Variants in TENT5D observed in about 807,000 individuals in gnomAD.
TENT5D encodes cancer/testis antigen 112.
For synonymous variants in TENT5D, 103 were observed against 100.6 expected (o/e 1.02, Z -0.15); for missense variants, 191 against 287.0 (o/e 0.67, Z 2.42).
intron 1 of TENT5D, among the ~76,000 whole-genome samples, chrX:80,427,671 C>G (rs1325090387): frequency 8.9e-6 from 1 of 111,925 alleles, no homozygotes; most frequent in African/African-American, 3.2e-5. Flanking sequence ...TAGGGTGGAA[C>G]CATTTAAGAA....
At chrX:80,396,331 G>C (rs1045130473) in intron 3 of TENT5D, among the ~76,000 whole-genome samples, 2 of 109,017 alleles carry the variant, frequency 1.8e-5, no homozygotes, top group Non-Finnish European at 3.8e-5. Context: ...AGGGGGATTT[G>C]GCAGGGTCAT....
intron 3 of TENT5D, among the ~76,000 whole-genome samples, chrX:80,413,481 G>T (rs959561073): frequency 1.8e-5 from 2 of 111,785 alleles, no homozygotes; most frequent in African/African-American, 6.5e-5. Context: ...AACTTGAATT[G>T]TATCTCCCAG....
chrX:80,348,230 A>T (rs1287449030), intron 3 of TENT5D, among the ~76,000 whole-genome samples: 1 of 111,644 alleles, frequency 9.0e-6, no homozygotes, highest in East Asian at 2.8e-4. Flanking sequence ...TGATGGGGAT[A>T]CCCTTGAATC....
intron 3 of TENT5D, among the ~76,000 whole-genome samples, chrX:80,368,092 T>C (rs1930546276): frequency 2.7e-5 from 3 of 111,697 alleles, no homozygotes; most frequent in African/African-American, 9.7e-5. Context: ...CCAAAATATT[T>C]CATGTATTCT....
chrX:80,440,702 A>G (rs982541007), intron 2 of TENT5D, among the ~76,000 whole-genome samples: 7 of 111,432 alleles, frequency 6.3e-5, no homozygotes, highest in Admixed American at 1.9e-4. Flanking sequence ...AGGAAAATAT[A>G]TATTTGCAAA....
chrX:80,414,883 A>T (rs752462682), intron 3 of TENT5D, among the ~76,000 whole-genome samples: 18 of 111,539 alleles, frequency 1.6e-4, no homozygotes, highest in Non-Finnish European at 5.7e-5. Context: ...GGGTCCCAAG[A>T]TTTATTTTCC....
At chrX:80,378,248 C>T (rs1930775327) in intron 3 of TENT5D, among the ~76,000 whole-genome samples, 1 of 111,510 alleles carries the variant, frequency 9.0e-6, no homozygotes, top group African/African-American at 3.3e-5. Context: ...TAATTAGATC[C>T]AATCTGTCAA....
At chrX:80,366,421 C>T (rs1038388370) in intron 3 of TENT5D, among the ~76,000 whole-genome samples, 2 of 111,218 alleles carry the variant, frequency 1.8e-5, no homozygotes, top group Admixed American at 9.7e-5. Context: ...CTTTTTATTG[C>T]CATGCACTTA....
chrX:80,354,904 T>A (rs1172576914), intron 3 of TENT5D, among the ~76,000 whole-genome samples: 1 of 112,196 alleles, frequency 8.9e-6, no homozygotes, highest in Non-Finnish European at 1.9e-5. Flanking sequence ...ATGATGCCCT[T>A]CAGGGTTTGA....
intron 3 of TENT5D, among the ~76,000 whole-genome samples, chrX:80,400,239 G>A (rs1051904410): frequency 8.9e-6 from 1 of 111,753 alleles, no homozygotes; most frequent in Non-Finnish European, 1.9e-5. Context: ...AAAAGTCTCG[G>A]CTATCAAAGA....
At chrX:80,408,363 A>C (rs1931553159) in intron 3 of TENT5D, among the ~76,000 whole-genome samples, 1 of 111,220 alleles carries the variant, frequency 9.0e-6, no homozygotes, top group Non-Finnish European at 1.9e-5. Context: ...AGCAAGACTA[A>C]TAAAGGAAAA....
intron 3 of TENT5D, among the ~76,000 whole-genome samples, chrX:80,390,987 C>G (rs1931114563): frequency 8.9e-6 from 1 of 112,074 alleles, no homozygotes; most frequent in African/African-American, 3.2e-5. Context: ...AACAGAAGAA[C>G]TGAATTCTAG....
At chrX:80,401,859 G>T (rs767021447) in intron 3 of TENT5D, among the ~76,000 whole-genome samples, 8 of 111,983 alleles carry the variant, frequency 7.1e-5, no homozygotes, top group Admixed American at 1.9e-4. Context: ...TGGCCTGTAG[G>T]TTTCTTTTCT....
At chrX:80,388,653 C>G (rs185810760) in intron 3 of TENT5D, among the ~76,000 whole-genome samples, 2 of 111,931 alleles carry the variant, frequency 1.8e-5, no homozygotes, top group African/African-American at 6.5e-5. Context: ...CTCTCCTCCT[C>G]TCAAGGGGAA....
rs761269302 is a variant in TENT5D at position 80,436,440 on chromosome X, G to A, written c.-141-2170G>A. ...AAGTTCTGGGATACATGTGCAGGAC[G>A]TGCAGGTTTGTTACATAGGTATACA... On this transcript the variant is annotated intron_variant, in intron 1 of 2. Coordinates refer to ENST00000308293, the Ensembl canonical transcript of TENT5D. Among the ~76,000 whole-genome samples the A allele has an allele frequency of 1.2e-4, 13 of 110,198 alleles. No homozygotes were observed. In the South Asian group the frequency reaches 1.2e-3, roughly 10 times the overall value.
At position 80,369,731 on chromosome X, in the gene TENT5D, T is replaced by C. The variant is rs183271124; in HGVS notation, c.-142+27167T>C. 1.9e-3 allele frequency among the ~76,000 whole-genome samples: 208 copies of C among 111,040 alleles called. 1 individual carries two copies. Among genetic ancestry groups the C allele is most frequent in the African/African-American group, 6.5e-3 (200 of 30,606 alleles). On this transcript the variant is annotated intron_variant, in intron 3 of 4. Transcript: ENST00000538312. ...AGCTAAATACAGATGGAAAATACAG[T>C]ATTAGTGAGATGTGAAACCATAGAT...
At chrX:80,397,839 G>A (rs998150777) in intron 3 of TENT5D, among the ~76,000 whole-genome samples, 19 of 112,063 alleles carry the variant, frequency 1.7e-4, no homozygotes, top group African/African-American at 5.8e-4. Flanking sequence ...TGAGGCAGGA[G>A]AATCAGGCAG....
At chrX:80,358,074 C>CTATT (rs1358215807) in intron 3 of TENT5D, among the ~76,000 whole-genome samples, 1 of 111,757 alleles carries the variant, frequency 8.9e-6, no homozygotes, top group Non-Finnish European at 1.9e-5. Flanking sequence ...AAAGGATTCC[C>CTATT]TATTTAATAA....
At chrX:80,416,600 G>C (rs920715114), upstream of TENT5D, among the ~76,000 whole-genome samples, 1 of 110,141 alleles carries the variant, frequency 9.1e-6, no homozygotes, top group African/African-American at 3.3e-5. Flanking sequence ...GTATGGTTTT[G>C]AGCAATTTTC....
Sources: gnomAD v4.1 joint callset for allele counts (sites outside exome capture counted in the v4.1 genomes callset) on GRCh38, gnomAD v4.1.1 for gene constraint, MANE v1.5 for transcripts, NCBI Gene and HGNC (gene_info 2026-07-23, HGNC 2026-07-21) for gene names.